Variants in ARSG observed in about 807,000 individuals in gnomAD.
The protein encoded by ARSG is ASG.
Under a neutral mutation model 50.5 loss-of-function variants are expected in ARSG, and 37 were observed. The ratio of observed to expected loss-of-function variants is 0.73; its 90% CI spans 0.56 to 0.96. The LOEUF is 0.96. ARSG is among the 50% of genes least tolerant of loss of function. The pLI is 0.00. For missense variants in ARSG, 629 were observed against 675.3 expected (o/e 0.93, Z 0.76); for synonymous variants, 225 against 254.6 (o/e 0.88, Z 1.11).
At position 68,385,174 on chromosome 17, in the gene ARSG, T is replaced by TA. The variant is rs776899084; in HGVS notation, c.1091+3dup. ...TGTCACCAGCACTGCCTTGTTAAGG[T>TA]ATGAGACCAAAACTACCTTGAGATG... On this transcript the variant is annotated splice_region_variant and intron_variant, in intron 9 of 11. Coordinates refer to ENST00000621439, the MANE Select transcript of ARSG (RefSeq NM_001267727.2). 6.2e-7 allele frequency: 1 copy of TA among 1,612,966 alleles called. No homozygotes were observed. The highest frequency in any genetic ancestry group is 1.7e-5 in the Admixed American group (1 of 59,962).
intron 1 of ARSG, among the ~76,000 whole-genome samples, chr17:68,303,939 C>T (rs1335280161): frequency 1.3e-5 from 2 of 152,216 alleles, no homozygotes; most frequent in African/African-American, 2.4e-5. Context: ...GCTAGATTCG[C>T]TTATTTCCAT....
chr17:68,332,288 C>A (rs2077809945), intron 2 of ARSG, among the ~76,000 whole-genome samples: 1 of 152,338 alleles, frequency 6.6e-6, no homozygotes, highest in African/African-American at 2.4e-5. Context: ...TAGCTCTGTT[C>A]CGCCCAGCCC....
downstream of ARSG, chr17:68,427,031 C>T: frequency 1.1e-6 from 1 of 944,538 alleles, no homozygotes; most frequent in Non-Finnish European, 1.6e-6. Context: ...GAGGGCACTC[C>T]ACCCCCAGGT....
intron 2 of ARSG, among the ~76,000 whole-genome samples, chr17:68,331,549 G>A (rs901381970): frequency 3.3e-5 from 5 of 152,114 alleles, no homozygotes; most frequent in African/African-American, 1.2e-4. Context: ...TGGTGCAAAG[G>A]CAAGGTTTCA....
chr17:68,383,105 C>T (rs2080515808), intron 8 of ARSG, among the ~76,000 whole-genome samples: 1 of 152,184 alleles, frequency 6.6e-6, no homozygotes, highest in Non-Finnish European at 1.5e-5. Context: ...ATAAGACAAG[C>T]ACATTGAAAC....
chr17:68,354,093 CTA>C (rs909213643), intron 5 of ARSG, among the ~76,000 whole-genome samples: 1 of 125,222 alleles, frequency 8.0e-6, no homozygotes, highest in Non-Finnish European at 1.7e-5. Flanking sequence ...AATTTTTAAT[CTA>C]TGTTAAAAAT....
the ARSG span, among the ~76,000 whole-genome samples, chr17:68,428,088 G>T: frequency 6.6e-6 from 1 of 152,118 alleles, no homozygotes; most frequent in South Asian, 2.1e-4. Flanking sequence ...TGTAAGGATG[G>T]GGTTTCACCA....
chr17:68,427,056 A>G (rs1246487955), downstream of ARSG: 13 of 1,185,008 alleles, frequency 1.1e-5, no homozygotes, highest in African/African-American at 1.4e-4. Context: ...GTGAAGGGGG[A>G]AGGGGAGGGA....
chr17:68,350,374 T>C (rs1465475703), intron 4 of ARSG, among the ~76,000 whole-genome samples: 1 of 152,250 alleles, frequency 6.6e-6, no homozygotes, highest in Non-Finnish European at 1.5e-5. Flanking sequence ...ATTCGAGTTC[T>C]ATCTACCTCT....
intron 5 of ARSG, 25 bp from the exon 6 acceptor site, chr17:68,356,642 T>C (rs778201536): frequency 6.2e-7 from 1 of 1,614,052 alleles, no homozygotes; most frequent in Non-Finnish European, 8.5e-7. Context: ...AAATGAATAC[T>C]CTATGGTCTG....
At chr17:68,321,707 A>C (rs2077290453) in intron 2 of ARSG, among the ~76,000 whole-genome samples, 1 of 152,154 alleles carries the variant, frequency 6.6e-6, no homozygotes, top group African/African-American at 2.4e-5. Context: ...TAATTTATGC[A>C]ATGGCAAGTT....
intron 8 of ARSG, among the ~76,000 whole-genome samples, chr17:68,383,721 T>C (rs929153093): frequency 6.6e-6 from 1 of 152,214 alleles, no homozygotes; most frequent in Non-Finnish European, 1.5e-5. Context: ...TTGTTCCAAG[T>C]GCGTGAATAA....
intron 2 of ARSG, among the ~76,000 whole-genome samples, chr17:68,309,240 C>T (rs2076744596): frequency 6.6e-6 from 1 of 152,256 alleles, no homozygotes; most frequent in African/African-American, 2.4e-5. Flanking sequence ...ACCCGGAACT[C>T]CAGCTGGCCC....
intron 1 of ARSG, among the ~76,000 whole-genome samples, chr17:68,293,492 C>CTAA (rs10570607): frequency 0.037 from 5,626 of 150,602 alleles, 318 homozygotes; most frequent in African/African-American, 0.12. Context: ...GAGCATGATT[C>CTAA]TAATAATAAT....
downstream of ARSG, among the ~76,000 whole-genome samples, chr17:68,422,884 G>T (rs1600231529): frequency 6.6e-6 from 1 of 152,066 alleles, no homozygotes; most frequent in Non-Finnish European, 1.5e-5. Flanking sequence ...TCATCCTCCC[G>T]AATGTAGCAG....
chr17:68,290,314 G>C (rs1193595494), upstream of ARSG, among the ~76,000 whole-genome samples: 1 of 152,190 alleles, frequency 6.6e-6, no homozygotes, highest in Non-Finnish European at 1.5e-5. Context: ...GACCTGTCTT[G>C]CTAGGGTGGG....
intron 9 of ARSG, among the ~76,000 whole-genome samples, chr17:68,388,835 G>T (rs2080851272): frequency 6.7e-6 from 1 of 148,830 alleles, no homozygotes. Flanking sequence ...TGAGGCAGGA[G>T]AATTGCTTGA....
At chr17:68,433,198 A>G in the ARSG span, among the ~76,000 whole-genome samples, 1 of 152,272 alleles carries the variant, frequency 6.6e-6, no homozygotes, top group Non-Finnish European at 1.5e-5. Context: ...GAGGAAACTG[A>G]AGGACACAGA....
intron 1 of ARSG, among the ~76,000 whole-genome samples, chr17:68,298,536 A>G (rs2076290129): frequency 7.0e-6 from 1 of 143,486 alleles, no homozygotes; most frequent in Non-Finnish European, 1.5e-5. Context: ...TGGAGGTTGC[A>G]GTGAGCTGAG....
Sources: gnomAD v4.1 joint callset for allele counts (sites outside exome capture counted in the v4.1 genomes callset) on GRCh38, gnomAD v4.1.1 for gene constraint, MANE v1.5 for transcripts, NCBI Gene and HGNC (gene_info 2026-07-23, HGNC 2026-07-21) for gene names.